Variants in ANGPT4 observed in about 807,000 individuals in gnomAD.
The protein encoded by ANGPT4 is angiopoietin 4.
In ANGPT4, 50 loss-of-function variants were observed where a neutral mutation model predicts 53.0. The observed-to-expected ratio is 0.94, with a 90% confidence interval of 0.75 to 1.20. The LOEUF (loss-of-function observed/expected upper bound fraction) is 1.20, where lower values mean the gene tolerates loss of function less well. Among genes scored for constraint, ANGPT4 ranks in the 50% most tolerant of loss-of-function variants. The pLI, the probability that ANGPT4 is intolerant of heterozygous loss-of-function variation, is 0.00. For synonymous variants in ANGPT4, 251 were observed against 259.7 expected (o/e 0.97, Z 0.32); for missense variants, 648 against 637.1 (o/e 1.02, Z -0.18).
Position 885,284 on chromosome 20 carries a change from T to C in ANGPT4, c.629A>G (p.Gln210Arg), listed in dbSNP as rs374785828. 5 of 1,583,990 alleles carry C rather than the reference T, an allele frequency of 3.2e-6. No homozygotes were observed. Among genetic ancestry groups the C allele is most frequent in the Non-Finnish European group, 4.3e-6 (5 of 1,167,152 alleles). ...GCTGAGGATGCTGGCCAGCTCCTCC[T>C]GCTGCTTGGTCTCCAGGGCCTGCAA... is the stretch of plus-strand genomic sequence containing the variant. ...KRLQALETKQ[Q>R]EELASILSKK... is the part of the protein sequence containing the mutation. Residue 210 changes from glutamine (Q) to arginine (R), a missense_variant, in exon 4 of 9, where the codon CAG becomes CGG. Gln to Arg is a conservative substitution (Grantham distance 43). Coordinates refer to ENST00000381922, the MANE Select transcript of ANGPT4 (RefSeq NM_015985.4).
chr20:903,744 C>A (rs1161719868), intron 1 of ANGPT4, among the ~76,000 whole-genome samples: 3 of 152,202 alleles, frequency 2.0e-5, no homozygotes, highest in African/African-American at 7.2e-5. Flanking sequence ...TAGGCTGAAC[C>A]AAAGCCCCAT....
rs1332168101 is a variant in ANGPT4 at position 878,240 on chromosome 20, C to T, written c.1141G>A (p.Glu381Lys). 3 of 1,613,346 alleles carry T rather than the reference C, an allele frequency of 1.9e-6. No individual in the cohort carries two copies. In the African/African-American group the frequency reaches 4.0e-5, roughly 22 times the overall value. Residue 381 changes from glutamate to lysine, a missense_variant, in exon 7 of 9, where the codon GAG becomes AAG. Glu to Lys is a moderately conservative substitution (Grantham distance 56). Coordinates refer to ENST00000381922, the MANE Select transcript of ANGPT4 (RefSeq NM_015985.4). ...TRRAAYSLRV[E>K]LQDWEGHEAY... is the part of the protein sequence containing the mutation. ...TCGTGGCCTTCCCAGTCTTGCAGCT[C>T]CACACGCAGAGAGTAGGCTGCCCTT...
At position 879,757 on chromosome 20, in the gene ANGPT4, T is replaced by A. The variant is rs751529914; in HGVS notation, c.1043A>T (p.Asp348Val). ...AGGCAGCAGGGCTACCTGTTTGTAA[T>A]CCTTCCAGTTCCGCTGAAAATTCAC... ...GTVNFQRNWKDYKQGFGDPAG... is the reference protein window; with the variant it reads ...GTVNFQRNWKVYKQGFGDPAG... Residue 348 changes from aspartate (D) to valine (V), a missense_variant, in exon 6 of 9, where the codon GAT becomes GTT. By Grantham distance (152) the Asp-to-Val change is radical. Coordinates refer to ENST00000381922, the MANE Select transcript of ANGPT4 (RefSeq NM_015985.4). 4.3e-6 allele frequency: 7 copies of A among 1,613,426 alleles called. No homozygotes were observed. The East Asian group carries it at 1.6e-4, about 36-fold the overall frequency.
chr20:871,456 G>C lies in ANGPT4; in HGVS notation c.*1504C>G, dbSNP rs1980936753. ...TTGGCTGATGACAACAGGGCAGACA[G>C]CATGACACAGTGATGGGGGCAGGTG... On this transcript the variant is annotated 3_prime_UTR_variant, in exon 9 of 9. Coordinates refer to ENST00000381922, the MANE Select transcript of ANGPT4 (RefSeq NM_015985.4). 6.6e-6 allele frequency: 1 copy of C among 152,480 alleles called. No individual in the cohort carries two copies. The highest frequency in any genetic ancestry group is 2.4e-5 in the African/African-American group (1 of 41,460). 9.4% of individuals were successfully genotyped at this position (152,480 alleles called of 1,614,324 possible).
At chr20:886,542 C>A (rs895089413) in intron 3 of ANGPT4, among the ~76,000 whole-genome samples, 1 of 152,140 alleles carries the variant, frequency 6.6e-6, no homozygotes, top group Non-Finnish European at 1.5e-5. Flanking sequence ...ATAAAGCCAT[C>A]GTAAGTTGAA....
chr20:894,322 C>G (rs1390163792), intron 1 of ANGPT4, among the ~76,000 whole-genome samples: 4 of 152,190 alleles, frequency 2.6e-5, no homozygotes, highest in Non-Finnish European at 4.4e-5. Context: ...CTCTCAGTCC[C>G]CCTCTCAACA....
At chr20:885,370 A>G (rs1981580999) in intron 3 of ANGPT4, 45 bp from the exon 4 acceptor site, 1 of 1,490,858 alleles carries the variant, frequency 6.7e-7, no homozygotes, top group Non-Finnish European at 8.9e-7. Flanking sequence ...CATCCTCGCG[A>G]AGCACGCACC....
intron 1 of ANGPT4, among the ~76,000 whole-genome samples, chr20:898,099 G>C (rs563441986): frequency 7.3e-5 from 11 of 151,642 alleles, no homozygotes; most frequent in Non-Finnish European, 1.2e-4. Flanking sequence ...TTTCTCTCCT[G>C]TCTGTTTCCT....
At chr20:873,522 T>C (rs1373888308) in intron 8 of ANGPT4, among the ~76,000 whole-genome samples, 2 of 151,938 alleles carry the variant, frequency 1.3e-5, no homozygotes, top group African/African-American at 4.8e-5. Context: ...TCTCTTTCTC[T>C]CTTATGGTCT....
rs1187451229 is a variant in ANGPT4, at chr20:914,062, A to G, written c.309+1844T>C. Among the ~76,000 whole-genome samples the G allele has an allele frequency of 2.0e-5, 3 of 152,108 alleles. No individual in the cohort carries two copies. Among genetic ancestry groups the G allele is most frequent in the South Asian group, 4.1e-4 (2 of 4,828 alleles). ...TCACGGAGCAGGATGGAGACCTGGGACCTGAGAGATTGGAAGGACATTTAT... is the reference window on the plus strand; with the variant it reads ...TCACGGAGCAGGATGGAGACCTGGGGCCTGAGAGATTGGAAGGACATTTAT... On this transcript the variant is annotated intron_variant, in intron 1 of 8. Coordinates refer to ENST00000381922, the MANE Select transcript of ANGPT4 (RefSeq NM_015985.4). The surrounding 1 kb of genome is among the most constrained non-coding windows in gnomAD (Gnocchi z 5.0).
At chr20:906,130 A>G (rs1036448865) in intron 1 of ANGPT4, among the ~76,000 whole-genome samples, 1 of 152,144 alleles carries the variant, frequency 6.6e-6, no homozygotes, top group African/African-American at 2.4e-5. Flanking sequence ...GACTAATTAG[A>G]TATTGTAGAA....
chr20:877,987 A>C (rs1981231121), intron 7 of ANGPT4, among the ~76,000 whole-genome samples, 174 bp downstream of exon 7: 2 of 152,202 alleles, frequency 1.3e-5, no homozygotes, highest in African/African-American at 4.8e-5. Context: ...CTGAGTGCTA[A>C]CCAGCCACCT....
chr20:903,466 ATC>A (rs1388860510), intron 1 of ANGPT4, among the ~76,000 whole-genome samples: 2 of 152,130 alleles, frequency 1.3e-5, no homozygotes, highest in African/African-American at 4.8e-5. Flanking sequence ...TACTGTCAGC[ATC>A]TGTCATTGCT....
At chr20:909,887 C>T (rs184871808) in intron 1 of ANGPT4, among the ~76,000 whole-genome samples, 46 of 152,294 alleles carry the variant, frequency 3.0e-4, no homozygotes, top group Middle Eastern at 3.4e-3. Context: ...CTTTTCAGAA[C>T]GGCCACAGCT....
chr20:891,065 T>C (rs1294451063), intron 1 of ANGPT4, among the ~76,000 whole-genome samples: 1 of 152,242 alleles, frequency 6.6e-6, no homozygotes, highest in Non-Finnish European at 1.5e-5. Context: ...CTCACTGCCT[T>C]GTTTCTATGT....
chr20:900,154 C>A (rs999773379), intron 1 of ANGPT4, among the ~76,000 whole-genome samples: 1 of 152,182 alleles, frequency 6.6e-6, no homozygotes, highest in African/African-American at 2.4e-5. Flanking sequence ...AGACATTTAC[C>A]TTGTATTTCA....
chr20:900,302 T>C (rs1040423445), intron 1 of ANGPT4, among the ~76,000 whole-genome samples: 3 of 152,178 alleles, frequency 2.0e-5, no homozygotes, highest in Non-Finnish European at 2.9e-5. Context: ...ACCATGAAAA[T>C]TGAACCTCCT....
intron 7 of ANGPT4, 119 bp from the exon 8 acceptor site, chr20:874,533 G>T: frequency 7.2e-7 from 1 of 1,395,886 alleles, no homozygotes; most frequent in Non-Finnish European, 9.7e-7. Flanking sequence ...AGGTGTTCTT[G>T]GAGGGACAGC....
intron 1 of ANGPT4, among the ~76,000 whole-genome samples, chr20:903,340 A>T (rs1485685340): frequency 2.0e-5 from 3 of 152,094 alleles, no homozygotes; most frequent in African/African-American, 4.8e-5. Context: ...TCCTGCATCC[A>T]ATCTGTTGTC....
Sources: allele counts gnomAD v4.1 joint callset (sites outside exome capture counted in the v4.1 genomes callset), GRCh38; gene constraint gnomAD v4.1.1; non-coding constraint Gnocchi (gnomAD v3.1); transcripts MANE v1.5; gene names NCBI Gene and HGNC (gene_info 2026-07-23, HGNC 2026-07-21).